CTDSP1: variants seen among roughly 807,000 people sequenced by gnomAD.
The protein encoded by CTDSP1 is CTD small phosphatase 1.
A neutral mutation model predicts 32.5 loss-of-function variants in CTDSP1; 15 were observed. The ratio of observed to expected loss-of-function variants is 0.46; its 90% CI spans 0.31 to 0.71. The LOEUF (loss-of-function observed/expected upper bound fraction) is 0.71. CTDSP1 is among the 30% of genes least tolerant of loss of function. The pLI is 0.05. For synonymous variants in CTDSP1, 185 were observed against 145.4 expected, an observed-to-expected ratio of 1.27 and a Z score of -1.96; for missense variants, 294 against 351.1, an observed-to-expected ratio of 0.84 and a Z score of 1.30.
intron 2 of CTDSP1, among the ~76,000 whole-genome samples, 177 bp downstream of exon 2, chr2:218,401,889 C>T (rs1389042716): frequency 2.0e-5 from 3 of 152,180 alleles, no homozygotes; most frequent in Admixed American, 6.5e-5. Flanking sequence ...TGAATTCTCC[C>T]TCATAAGTGG....
chr2:218,398,279 G>C, upstream of CTDSP1: 1 of 825,574 alleles, frequency 1.2e-6, no homozygotes, highest in South Asian at 1.5e-5. Flanking sequence ...TTCCTTTCTT[G>C]AAACTCAGTT....
At chr2:218,397,355 G>A (rs985433220), upstream of CTDSP1, among the ~76,000 whole-genome samples, 1 of 152,156 alleles carries the variant, frequency 6.6e-6, no homozygotes, top group Non-Finnish European at 1.5e-5. Context: ...CCAGGAAGAG[G>A]GGTGCAGAGT....
At position 218,404,203 on chromosome 2, in the gene CTDSP1, T is replaced by A. The variant is rs1201771045; in HGVS notation, c.658-94T>A. On this transcript the variant is annotated intron_variant, in intron 6 of 6. Coordinates refer to ENST00000273062, the MANE Select transcript of CTDSP1 (RefSeq NM_021198.3). ...CTGTGGGTGAGGGGTTTTCAGAAACTGCATGATCTGAGTAGTGGCTACATA... is the reference window on the plus strand; with the variant it reads ...CTGTGGGTGAGGGGTTTTCAGAAACAGCATGATCTGAGTAGTGGCTACATA... 3.4e-6 allele frequency: 5 copies of A among 1,482,076 alleles called. No individual in the cohort carries two copies. In the African/African-American group the frequency reaches 7.0e-5, roughly 21 times the overall value. 91.8% of individuals were successfully genotyped at this position (1,482,076 alleles called of 1,614,324 possible). A position where few individuals can be genotyped will look rare whatever the true frequency, so the allele number is the denominator to read the frequency against.
chr2:218,397,524 G>C (rs569812750), upstream of CTDSP1, among the ~76,000 whole-genome samples: 2 of 152,322 alleles, frequency 1.3e-5, no homozygotes, highest in South Asian at 4.1e-4. Flanking sequence ...GGGAAACTGA[G>C]GGACTGTGTT....
chr2:218,401,232 AG>A (rs1308947654), intron 1 of CTDSP1: 5 of 411,042 alleles, frequency 1.2e-5, no homozygotes, highest in Non-Finnish European at 2.3e-5. Flanking sequence ...TGGGGTCAGG[AG>A]GCACCGCAAT....
upstream of CTDSP1, chr2:218,399,461 A>C (rs940364731): frequency 2.6e-5 from 4 of 152,160 alleles, no homozygotes; most frequent in Admixed American, 2.0e-4. Flanking sequence ...GAGAAGACCC[A>C]TTTTACAGAT....
At chr2:218,401,230 G>A (rs1018229074) in intron 1 of CTDSP1, 3 of 410,150 alleles carry the variant, frequency 7.3e-6, no homozygotes, top group African/African-American at 2.0e-5. Context: ...GGTGGGGTCA[G>A]GAGGCACCGC....
Position 218,403,328 on chromosome 2 carries a change from A to G in CTDSP1, c.568A>G (p.Lys190Glu). The G allele has an allele frequency of 6.2e-7, 1 of 1,614,126 alleles. No individual in the cohort carries two copies. The highest frequency in any genetic ancestry group is 8.5e-7 in the Non-Finnish European group (1 of 1,180,004). Residue 190 changes from lysine (K) to glutamate (E), a missense_variant, in exon 6 of 7, where the codon AAG becomes GAG. Physicochemically the swap from Lys to Glu is moderately conservative, Grantham distance 56. Transcript: ENST00000273062. ...SCVFHRGNYV[K>E]DLSRLGRDLR... Reference sequence around the variant, plus strand: ...CGTCTTCCACCGGGGGAACTACGTGAAGGACCTGAGCCGGTTGGGTCGAGA... The same window carrying G: ...CGTCTTCCACCGGGGGAACTACGTGGAGGACCTGAGCCGGTTGGGTCGAGA...
Position 218,404,363 on chromosome 2 carries a change from G to A in CTDSP1, c.724G>A (p.Glu242Lys), listed in dbSNP as rs1697308044. The change falls in exon 7 of 7, where the codon GAG becomes AAG. Residue 242 changes from glutamate (E) to lysine (K), a missense_variant. By Grantham distance (56) the Glu-to-Lys change is moderately conservative. This residue lies in a region of CTDSP1 where 146 missense variants were observed against 237.7 expected (regional missense o/e 0.61). Coordinates refer to ENST00000273062, the MANE Select transcript of CTDSP1 (RefSeq NM_021198.3). ...TELHDLLPFFEQLSRVDDVYS... is the reference protein window; with the variant it reads ...TELHDLLPFFKQLSRVDDVYS... ...GCTCCACGACCTCCTCCCCTTCTTCGAGCAACTCAGCCGTGTGGACGACGT... is the reference window on the plus strand; with the variant it reads ...GCTCCACGACCTCCTCCCCTTCTTCAAGCAACTCAGCCGTGTGGACGACGT... The A allele has an allele frequency of 6.2e-7, 1 of 1,613,914 alleles. No individual in the cohort carries two copies. The highest frequency in any genetic ancestry group is 1.1e-5 in the South Asian group (1 of 91,082).
chr2:218,400,030 G>C lies in CTDSP1; in HGVS notation c.-61G>C. 9.8e-7 allele frequency: 1 copy of C among 1,017,516 alleles called. No individual in the cohort carries two copies. Among genetic ancestry groups the C allele is most frequent in the Non-Finnish European group, 1.2e-6 (1 of 820,268 alleles). The allele number at this position is 1,017,516 out of a possible 1,614,324, so 63.0% of individuals were successfully genotyped here. The stretch of plus-strand genomic sequence containing the variant: ...CCCCCGCGCCCCGATTCCGGCCCCA[G>C]CCGGGGGGGAGGCCGGGCGCCCGGG... On this transcript the variant is annotated 5_prime_UTR_variant, in exon 1 of 7. Coordinates refer to ENST00000273062, the MANE Select transcript of CTDSP1 (RefSeq NM_021198.3).
At position 218,399,881 on chromosome 2, in the gene CTDSP1, G is replaced by A. The variant is rs1189390656; in HGVS notation, c.-210G>A. 2.4e-6 allele frequency: 3 copies of A among 1,246,036 alleles called. No individual in the cohort carries two copies. The highest frequency in any genetic ancestry group is 3.1e-4 in the Middle Eastern group (1 of 3,244). 77.2% of individuals were successfully genotyped at this position (1,246,036 alleles called of 1,614,324 possible). The stretch of plus-strand genomic sequence containing the variant: ...GGTTCCATGTTTGCATCCGCCTCGC[G>A]GGAAGGAAACTCCATGTTGTAACAA... On this transcript the variant is annotated 5_prime_UTR_variant, in exon 1 of 7. Coordinates refer to ENST00000273062, the MANE Select transcript of CTDSP1 (RefSeq NM_021198.3).
At chr2:218,401,857 G>A (rs1697162122) in intron 2 of CTDSP1, 145 bp downstream of exon 2, 2 of 829,510 alleles carry the variant, frequency 2.4e-6, no homozygotes, top group Admixed American at 2.9e-5. Flanking sequence ...CCCCTGCCAG[G>A]CCCTGCCCAC....
upstream of CTDSP1, among the ~76,000 whole-genome samples, chr2:218,397,341 C>T (rs376303740): frequency 1.3e-5 from 2 of 152,280 alleles, no homozygotes; most frequent in East Asian, 1.9e-4. Context: ...CTCAAATCGA[C>T]CCTCCAGGAA....
At chr2:218,400,646 G>C (rs748644346) in intron 1 of CTDSP1, 17 of 435,488 alleles carry the variant, frequency 3.9e-5, no homozygotes, top group Non-Finnish European at 6.9e-5. Flanking sequence ...CCAACACACA[G>C]CTACGTTCCC....
chr2:218,402,068 G>C (rs774159616), intron 2 of CTDSP1, 43 bp from the exon 3 acceptor site: 2 of 1,373,558 alleles, frequency 1.5e-6, no homozygotes, highest in African/African-American at 2.9e-5. Flanking sequence ...GGAAGGACCA[G>C]GCCCGGAGAG....
upstream of CTDSP1, chr2:218,399,796 C>G (rs1338362865): frequency 2.7e-6 from 3 of 1,112,726 alleles, no homozygotes; most frequent in African/African-American, 4.9e-5. Flanking sequence ...AAGCCGCAGC[C>G]GAGTCCAGGT....
Position 218,401,386 on chromosome 2 carries a change from A to C in CTDSP1, c.68-178A>C, listed in dbSNP as rs945344547. ...TGTCTGGGAGCTGCAGGAGCCTTGC[A>C]GTTGATTGTGGAGCCCTGACAGGGG... On this transcript the variant is annotated intron_variant, in intron 1 of 6. Transcript: ENST00000273062. 7.7e-6 allele frequency: 5 copies of C among 653,030 alleles called. No individual in the cohort carries two copies. The Admixed American group carries it at 1.5e-4, about 19-fold the overall frequency. 40.5% of individuals were successfully genotyped at this position (653,030 alleles called of 1,614,324 possible). A position where few individuals can be genotyped will look rare whatever the true frequency, so the allele number is the denominator to read the frequency against.
Position 218,400,171 on chromosome 2 carries a change from G to T in CTDSP1, c.67+14G>T. On this transcript the variant is annotated intron_variant, in intron 1 of 6. Coordinates refer to ENST00000273062, the MANE Select transcript of CTDSP1 (RefSeq NM_021198.3). ...TGCGGGGCAAAGGTACCGGGGCTGC[G>T]GGGAGGGGGCCGAAGCCGGGGCGCC... The T allele has an allele frequency of 6.5e-7, 1 of 1,540,586 alleles. No homozygotes were observed. The highest frequency in any genetic ancestry group is 8.7e-7 in the Non-Finnish European group (1 of 1,143,472).
chr2:218,399,825 CT>C, upstream of CTDSP1: 1 of 1,190,204 alleles, frequency 8.4e-7, no homozygotes, highest in Non-Finnish European at 1.0e-6. Flanking sequence ...AGCCGTTGCC[CT>C]TTTAAGGGGG....
Sources: allele counts gnomAD v4.1 joint callset (sites outside exome capture counted in the v4.1 genomes callset), GRCh38; gene constraint gnomAD v4.1.1; regional missense constraint gnomAD v4.1.1; transcripts MANE v1.5; gene names NCBI Gene and HGNC (gene_info 2026-07-23, HGNC 2026-07-21).